CDH23: variants seen among roughly 807,000 people sequenced by gnomAD.
CDH23 encodes the protein cadherin-23.
Under a neutral mutation model 317.1 loss-of-function variants are expected in CDH23, and 189 were observed. The ratio of observed to expected loss-of-function variants is 0.60; its 90% CI spans 0.53 to 0.67. The LOEUF is 0.67. CDH23 is among the 30% of genes least tolerant of loss of function. The pLI is 0.00. For missense variants in CDH23, 4,401 were observed against 4,592.4 expected (o/e 0.96, Z 1.20); for synonymous variants, 1,839 against 1,876.8 (o/e 0.98, Z 0.52).
At chr10:71,733,645 T>G (rs1839464235) in intron 32 of CDH23, among the ~76,000 whole-genome samples, 1 of 152,242 alleles carries the variant, frequency 6.6e-6, no homozygotes, top group Non-Finnish European at 1.5e-5. Context: ...CAAGTCATAT[T>G]TCCCTTTTCA....
intron 22 of CDH23, among the ~76,000 whole-genome samples, chr10:71,699,681 GA>G (rs1383507469): frequency 6.6e-6 from 1 of 152,236 alleles, no homozygotes; most frequent in African/African-American, 2.4e-5. Flanking sequence ...AAATAAAGGA[GA>G]GGGGAGAAGG....
chr10:71,674,957 A>T (rs920657914), intron 14 of CDH23, among the ~76,000 whole-genome samples, 155 bp from the exon 15 acceptor site: 1 of 152,186 alleles, frequency 6.6e-6, no homozygotes, highest in African/African-American at 2.4e-5. Context: ...CCTAACCCAG[A>T]CTGGCAGCAG....
At chr10:71,400,636 T>C (rs1816186142) in intron 1 of CDH23, among the ~76,000 whole-genome samples, 2 of 152,080 alleles carry the variant, frequency 1.3e-5, no homozygotes, top group African/African-American at 4.8e-5. Context: ...CTGGCTCTAC[T>C]AAAAATACAA....
At chr10:71,750,554 A>G (rs1839971860) in intron 38 of CDH23, 1 of 152,330 alleles carries the variant, frequency 6.6e-6, no homozygotes, top group African/African-American at 2.4e-5. Context: ...CAGATTGCCC[A>G]AGACACCATT....
At chr10:71,571,443 C>T (rs1040016830) in intron 8 of CDH23, among the ~76,000 whole-genome samples, 1 of 152,214 alleles carries the variant, frequency 6.6e-6, no homozygotes, top group African/African-American at 2.4e-5. Flanking sequence ...TTCTTAAGTC[C>T]AGGTTTCCAA....
At chr10:71,434,842 GCAATGC>G (rs1849548142) in intron 1 of CDH23, among the ~76,000 whole-genome samples, 1 of 152,150 alleles carries the variant, frequency 6.6e-6, no homozygotes, top group African/African-American at 2.4e-5. Flanking sequence ...GGTTCTAGGA[GCAATGC>G]GTGTGAGATG....
intron 48 of CDH23, chr10:71,794,417 C>G (rs1201202855): frequency 6.6e-6 from 1 of 152,254 alleles, no homozygotes. Flanking sequence ...GATTTTCTTA[C>G]ACTATCACGA....
intron 14 of CDH23, among the ~76,000 whole-genome samples, chr10:71,648,165 G>A (rs1033200890): frequency 2.0e-5 from 3 of 152,160 alleles, no homozygotes; most frequent in Non-Finnish European, 4.4e-5. Context: ...CACCTCCCGC[G>A]TCTCTAGCCC....
intron 3 of CDH23, among the ~76,000 whole-genome samples, chr10:71,478,789 C>G (rs145964470): frequency 6.6e-6 from 1 of 152,130 alleles, no homozygotes; most frequent in Non-Finnish European, 1.5e-5. Context: ...TCTAAGAGCC[C>G]GTCTCCAAAG....
intron 38 of CDH23, among the ~76,000 whole-genome samples, chr10:71,765,847 G>A (rs1370922558): frequency 6.6e-6 from 1 of 152,146 alleles, no homozygotes; most frequent in Non-Finnish European, 1.5e-5. Context: ...AAGCAAGAGG[G>A]CCAGACAGGA....
intron 6 of CDH23, among the ~76,000 whole-genome samples, chr10:71,516,390 C>T (rs10823773): frequency 0.63 from 95,478 of 152,054 alleles, 30,292 homozygotes; most frequent in Non-Finnish European, 0.65. Context: ...GGGTCAGAGC[C>T]GAAGCCACGC....
intron 38 of CDH23, chr10:71,762,049 T>C (rs771814797): frequency 6.4e-7 from 1 of 1,571,054 alleles, no homozygotes; most frequent in Non-Finnish European, 8.6e-7. Flanking sequence ...AGGAGAGCCC[T>C]GTCACCTGAC....
chr10:71,692,245 G>A (rs772747734), intron 20 of CDH23, among the ~76,000 whole-genome samples: 2 of 152,150 alleles, frequency 1.3e-5, no homozygotes, highest in Non-Finnish European at 2.9e-5. Flanking sequence ...CATTAAAGGC[G>A]CCATTATATG....
intron 48 of CDH23, 190 bp from the exon 49 acceptor site, chr10:71,796,914 T>TG: frequency 1.9e-6 from 1 of 538,332 alleles, no homozygotes; most frequent in Non-Finnish European, 3.4e-6. Flanking sequence ...GTAAGCATCA[T>TG]GGGAGGGGCA....
intron 1 of CDH23, among the ~76,000 whole-genome samples, chr10:71,398,229 T>C (rs985425129): frequency 5.3e-5 from 8 of 152,186 alleles, no homozygotes; most frequent in Non-Finnish European, 1.2e-4. Context: ...CTGTCAGCGG[T>C]CCACTGGGAG....
chr10:71,744,642 C>T (rs1839812825), intron 38 of CDH23, among the ~76,000 whole-genome samples: 1 of 152,232 alleles, frequency 6.6e-6, no homozygotes, highest in South Asian at 2.1e-4. Flanking sequence ...CTCACTGAAG[C>T]AGGGCTCAGC....
chr10:71,787,319 A>ATTT (rs34939679), intron 44 of CDH23, among the ~76,000 whole-genome samples: 1 of 126,382 alleles, frequency 7.9e-6, no homozygotes, highest in African/African-American at 3.0e-5. Context: ...CGCTTTTCAG[A>ATTT]TTTTTTTTTT....
At chr10:71,511,318 T>G in intron 6 of CDH23, 106 bp downstream of exon 6, 1 of 1,049,724 alleles carries the variant, frequency 9.5e-7, no homozygotes, top group Non-Finnish European at 1.5e-6. Flanking sequence ...GTGGCTCTTC[T>G]GCCCAGACCT....
chr10:71,762,023 G>C, intron 38 of CDH23: 1 of 1,596,054 alleles, frequency 6.3e-7, no homozygotes, highest in Non-Finnish European at 8.5e-7. Flanking sequence ...GGCTGCCACC[G>C]GACCTGCTCA....
Sources: gnomAD v4.1 joint callset for allele counts (sites outside exome capture counted in the v4.1 genomes callset) on GRCh38, gnomAD v4.1.1 for gene constraint, MANE v1.5 for transcripts, NCBI Gene and HGNC (gene_info 2026-07-23, HGNC 2026-07-21) for gene names.